The following UTRN variants were observed in gnomAD, a reference collection of about 807,000 sequenced individuals.
UTRN encodes utrophin.
Under a neutral mutation model 463.9 loss-of-function variants are expected in UTRN, and 283 were observed. The ratio of observed to expected loss-of-function variants is 0.61; its 90% confidence interval spans 0.55 to 0.67. The LOEUF is 0.67. Ranked by LOEUF, UTRN falls within the 30% of genes least tolerant of loss-of-function variation. UTRN has a pLI of 0.00. For synonymous variants in UTRN, 1,442 were observed against 1,431.5 expected, an observed-to-expected ratio of 1.01 and a Z score of -0.17; for missense variants, 3,922 against 4,084.3, an observed-to-expected ratio of 0.96 and a Z score of 1.08.
At chr6:144,374,604 T>C (rs1313843301) in intron 2 of UTRN, among the ~76,000 whole-genome samples, 2 of 151,070 alleles carry the variant, frequency 1.3e-5, no homozygotes, top group African/African-American at 4.9e-5. Flanking sequence ...TTGCCTCAGC[T>C]CCCAGAGTAG....
chr6:144,561,745 A>T (rs749884652), intron 50 of UTRN, among the ~76,000 whole-genome samples: 9 of 152,206 alleles, frequency 5.9e-5, no homozygotes, highest in Admixed American at 1.3e-4. Flanking sequence ...CATGTCTAAT[A>T]TGTGGGGTTA....
intron 47 of UTRN, among the ~76,000 whole-genome samples, chr6:144,549,571 GAGTTGACAAATT>G (rs1009409305): frequency 6.6e-5 from 10 of 152,310 alleles, no homozygotes; most frequent in African/African-American, 2.4e-4. Context: ...GAGTGCATAT[GAGTTGACAAATT>G]ACTGTAGCAA....
At chr6:144,727,586 A>G (rs557281743) in intron 53 of UTRN, among the ~76,000 whole-genome samples, 30 of 152,146 alleles carry the variant, frequency 2.0e-4, no homozygotes, top group South Asian at 1.2e-3. Context: ...GTGAAATGCC[A>G]TCTCTACTAA....
intron 43 of UTRN, among the ~76,000 whole-genome samples, chr6:144,533,645 T>A (rs955652403): frequency 7.9e-5 from 12 of 152,032 alleles, no homozygotes; most frequent in Non-Finnish European, 1.2e-4. Flanking sequence ...TAGTAATACG[T>A]CTCACTAAGT....
chr6:144,721,390 A>C (rs1045592746), intron 53 of UTRN, among the ~76,000 whole-genome samples: 3 of 152,098 alleles, frequency 2.0e-5, no homozygotes, highest in African/African-American at 7.2e-5. Context: ...TGTTGTTGTT[A>C]TTGAGACGGG....
chr6:144,395,788 T>C (rs1261376630), intron 2 of UTRN, among the ~76,000 whole-genome samples: 2 of 152,146 alleles, frequency 1.3e-5, no homozygotes, highest in Admixed American at 6.5e-5. Context: ...TCAGGAGGTG[T>C]CTAAGTTTGG....
chr6:144,429,747 G>T lies in UTRN; in HGVS notation c.855+6G>T. ...AAGAGGCAATTAATATACAGGTACA[G>T]GTAACATTTTATTAAGATGTTTGGC... On this transcript the variant is annotated splice_donor_region_variant and intron_variant, in intron 9 of 74. Transcript: ENST00000367545. The T allele has an allele frequency of 6.2e-7, 1 of 1,602,958 alleles. No homozygotes were observed. Among genetic ancestry groups the T allele is most frequent in the East Asian group, 2.2e-5 (1 of 44,664 alleles).
At chr6:144,605,711 T>G (rs1182832596) in intron 51 of UTRN, among the ~76,000 whole-genome samples, 1 of 151,232 alleles carries the variant, frequency 6.6e-6, no homozygotes, top group Non-Finnish European at 1.5e-5. Context: ...ATGTTTTGTA[T>G]CTAACAACTG....
chr6:144,652,685 T>C (rs1311447884), intron 51 of UTRN, among the ~76,000 whole-genome samples: 2 of 152,258 alleles, frequency 1.3e-5, no homozygotes. Context: ...GCTCGAGTTA[T>C]ATAATGCCTG....
At position 144,634,282 on chromosome 6, in the gene UTRN, G is replaced by T. The variant is rs146567623; in HGVS notation, c.7480-44124G>T. 7.2e-5 allele frequency among the ~76,000 whole-genome samples: 11 copies of T among 152,316 alleles called. No homozygotes were observed. In the East Asian group the frequency reaches 2.1e-3, roughly 29 times the overall value. ...AAGTATCTTGAATTGAGGAGCTTGGGTGAAGAAGTCCTGGTATCAGTTGGG... is the reference window on the plus strand; with the variant it reads ...AAGTATCTTGAATTGAGGAGCTTGGTTGAAGAAGTCCTGGTATCAGTTGGG... On this transcript the variant is annotated intron_variant, in intron 51 of 74. Coordinates refer to ENST00000367545, the MANE Select transcript of UTRN (RefSeq NM_007124.3).
At chr6:144,701,260 T>G (rs1784563040) in intron 53 of UTRN, among the ~76,000 whole-genome samples, 1 of 150,672 alleles carries the variant, frequency 6.6e-6, no homozygotes, top group Non-Finnish European at 1.5e-5. Context: ...CATCGAGTCA[T>G]AAGGAATTAC....
intron 23 of UTRN, among the ~76,000 whole-genome samples, chr6:144,472,083 C>T (rs1215071668): frequency 6.6e-6 from 1 of 152,040 alleles, no homozygotes; most frequent in African/African-American, 2.4e-5. Flanking sequence ...TGAGAAATTA[C>T]CAGAAAAATG....
chr6:144,723,716 A>G (rs377711929), intron 53 of UTRN, among the ~76,000 whole-genome samples: 31 of 152,148 alleles, frequency 2.0e-4, no homozygotes, highest in African/African-American at 6.8e-4. Flanking sequence ...AAAGAAACAA[A>G]TTAGGCTGGG....
intron 51 of UTRN, among the ~76,000 whole-genome samples, chr6:144,632,999 G>A (rs1177804081): frequency 6.6e-6 from 1 of 152,048 alleles, no homozygotes. Flanking sequence ...GGGATTACAG[G>A]CATGAGCCAC....
intron 73 of UTRN, among the ~76,000 whole-genome samples, chr6:144,843,481 A>G (rs1396246796): frequency 6.6e-6 from 1 of 152,254 alleles, no homozygotes; most frequent in East Asian, 1.9e-4. Context: ...ATTTAGAGCA[A>G]AAATGAATTG....
chr6:144,578,388 G>A (rs2128625251), intron 51 of UTRN, among the ~76,000 whole-genome samples: 1 of 152,288 alleles, frequency 6.6e-6, no homozygotes, highest in Middle Eastern at 3.4e-3. Context: ...AGGCTGGAGT[G>A]TAGTGGTGCA....
chr6:144,442,746 C>A (rs1367231036), intron 13 of UTRN, among the ~76,000 whole-genome samples: 1 of 152,112 alleles, frequency 6.6e-6, no homozygotes, highest in Non-Finnish European at 1.5e-5. Flanking sequence ...AAGTTCCTCT[C>A]AAAAAATGTG....
At chr6:144,843,003 A>G (rs916298161) in intron 73 of UTRN, among the ~76,000 whole-genome samples, 1 of 152,188 alleles carries the variant, frequency 6.6e-6, no homozygotes, top group Non-Finnish European at 1.5e-5. Context: ...ATTATAATTC[A>G]AGGTCAAATT....
At chr6:144,468,585 TAAA>T (rs1009743289) in intron 23 of UTRN, among the ~76,000 whole-genome samples, 1 of 148,032 alleles carries the variant, frequency 6.8e-6, no homozygotes, top group African/African-American at 2.6e-5. Context: ...TGAAGTCCCT[TAAA>T]GAAATGTGTG....
Sources: gnomAD v4.1 joint callset for allele counts (sites outside exome capture counted in the v4.1 genomes callset) on GRCh38, gnomAD v4.1.1 for gene constraint, MANE v1.5 for transcripts, NCBI Gene and HGNC (gene_info 2026-07-23, HGNC 2026-07-21) for gene names.